Variants in MS4A14 observed in about 807,000 individuals in gnomAD.
The protein encoded by MS4A14 is membrane spanning 4-domains A14.
A neutral mutation model predicts 16.7 loss-of-function variants in MS4A14; 18 were observed. That is an observed-to-expected ratio of 1.08 (90% CI 0.75 to 1.60). The LOEUF (loss-of-function observed/expected upper bound fraction) is 1.60. Among genes scored for constraint, MS4A14 ranks in the 40% most tolerant of loss-of-function variants. The pLI, the probability that MS4A14 is intolerant of heterozygous loss-of-function variation, is 0.00. For synonymous variants in MS4A14, 305 were observed against 289.4 expected (o/e 1.05, Z -0.55); for missense variants, 812 against 775.3 (o/e 1.05, Z -0.56).
chr11:60,406,625 C>A (rs1320368394), intron 4 of MS4A14, among the ~76,000 whole-genome samples: 1 of 152,228 alleles, frequency 6.6e-6, no homozygotes, highest in Non-Finnish European at 1.5e-5. Context: ...TCCCAAATAC[C>A]AGTACAGGCC....
At chr11:60,414,360 T>C (rs899930393) in intron 4 of MS4A14, among the ~76,000 whole-genome samples, 2 of 152,134 alleles carry the variant, frequency 1.3e-5, no homozygotes, top group Admixed American at 6.5e-5. Flanking sequence ...CAATGTATTA[T>C]TTCAGAGAAT....
At chr11:60,401,810 A>G (rs982835545) in intron 3 of MS4A14, among the ~76,000 whole-genome samples, 2 of 152,146 alleles carry the variant, frequency 1.3e-5, no homozygotes, top group African/African-American at 4.8e-5. Flanking sequence ...GGGACTAAAG[A>G]CCAAGAGAGA....
At chr11:60,411,563 T>C (rs11230300) in intron 4 of MS4A14, among the ~76,000 whole-genome samples, 48,682 of 152,076 alleles carry the variant, frequency 0.32, 7,990 homozygotes, top group Middle Eastern at 0.49. Flanking sequence ...TATTTTCATA[T>C]TGTTTATTGC....
intron 4 of MS4A14, among the ~76,000 whole-genome samples, chr11:60,409,372 T>A (rs1339038613): frequency 2.6e-5 from 4 of 152,104 alleles, no homozygotes; most frequent in African/African-American, 9.7e-5. Context: ...TTCACTTCCA[T>A]GAAGTCAACT....
At chr11:60,414,961 C>G (rs2085917041) in intron 4 of MS4A14, among the ~76,000 whole-genome samples, 1 of 152,004 alleles carries the variant, frequency 6.6e-6, no homozygotes, top group Admixed American at 6.6e-5. Flanking sequence ...CACTAAGTAC[C>G]TATTTATGTA....
intron 1 of MS4A14, among the ~76,000 whole-genome samples, chr11:60,397,463 T>A (rs1338278376): frequency 1.3e-5 from 2 of 152,052 alleles, no homozygotes; most frequent in Admixed American, 6.6e-5. Flanking sequence ...GCTGTTAGGA[T>A]AATAATAGGA....
rs1044297025 is a variant in MS4A14 at position 60,417,137 on chromosome 11, C to T, written c.*129C>T. On this transcript the variant is annotated 3_prime_UTR_variant, in exon 5 of 5. Transcript: ENST00000300187. Reference sequence around the variant, plus strand: ...AGCTCTATACCAAGAAGTCCAAACCCAGCACGCAACAGCCCAACATAACCT... The same window carrying T: ...AGCTCTATACCAAGAAGTCCAAACCTAGCACGCAACAGCCCAACATAACCT... 2.8e-6 allele frequency: 3 copies of T among 1,087,450 alleles called. No individual in the cohort carries two copies. The highest frequency in any genetic ancestry group is 3.8e-6 in the Non-Finnish European group (3 of 783,332). The allele number at this position is 1,087,450 out of a possible 1,614,324, so 67.4% of individuals were successfully genotyped here.
chr11:60,397,702 C>G (rs2085647218), intron 1 of MS4A14, 150 bp from the exon 2 acceptor site: 1 of 690,680 alleles, frequency 1.4e-6, no homozygotes, highest in African/African-American at 1.8e-5. Context: ...AACTGAGTCT[C>G]TTAACAATCT....
chr11:60,399,855 A>G (rs763768368), intron 2 of MS4A14, among the ~76,000 whole-genome samples: 1 of 152,146 alleles, frequency 6.6e-6, no homozygotes, highest in Non-Finnish European at 1.5e-5. Context: ...CCCAAGGTCC[A>G]AGGCCAGTTC....
At position 60,400,471 on chromosome 11, in the gene MS4A14, A is replaced by G; in HGVS notation, c.318+17A>G. The G allele has an allele frequency of 6.4e-7, 1 of 1,560,150 alleles. No individual in the cohort carries two copies. Among genetic ancestry groups the G allele is most frequent in the Non-Finnish European group, 8.8e-7 (1 of 1,134,474 alleles). On this transcript the variant is annotated intron_variant, in intron 3 of 4. Transcript: ENST00000300187. ...AAACTTCTGGTAAGCCACTTAAACT[A>G]CATAAAATTTAAAATCTTCTATTTG...
intron 3 of MS4A14, among the ~76,000 whole-genome samples, chr11:60,402,115 A>ATCAGAT (rs2085722214): frequency 6.6e-6 from 1 of 152,098 alleles, no homozygotes; most frequent in Non-Finnish European, 1.5e-5. Context: ...GAAGGAAGAA[A>ATCAGAT]TCAGATGACC....
At chr11:60,414,474 C>G (rs1331451100) in intron 4 of MS4A14, among the ~76,000 whole-genome samples, 4 of 152,026 alleles carry the variant, frequency 2.6e-5, no homozygotes, top group African/African-American at 9.7e-5. Context: ...AACAAGTAGT[C>G]TATTCTGACT....
At position 60,415,679 on chromosome 11, in the gene MS4A14, C is replaced by G; in HGVS notation, c.711C>G (p.Ile237Met). 1 of 1,613,830 alleles carries G rather than the reference C, an allele frequency of 6.2e-7. No homozygotes were observed. Among genetic ancestry groups the G allele is most frequent in the Non-Finnish European group, 8.5e-7 (1 of 1,179,876 alleles). Residue 237 changes from isoleucine to methionine, a missense_variant, in exon 5 of 5, where the codon ATC becomes ATG. Physicochemically the swap from Ile to Met is conservative, Grantham distance 10. Coordinates refer to ENST00000300187, the MANE Select transcript of MS4A14 (RefSeq NM_032597.5). ...TGCCAGATGAACAAAAGCAAAGTAT[C>G]CTTCCATCTCCCAAATTTTCAGAGG... is the stretch of plus-strand genomic sequence containing the variant. ...EFVPDEQKQS[I>M]LPSPKFSEEE... is the part of the protein sequence containing the mutation.
intron 4 of MS4A14, among the ~76,000 whole-genome samples, chr11:60,413,182 G>A (rs73481218): frequency 0.036 from 5,364 of 151,050 alleles, 266 homozygotes; most frequent in East Asian, 0.26. Flanking sequence ...TTATATACTG[G>A]TCTACTATGA....
Position 60,397,849 on chromosome 11 carries a change from C to T in MS4A14, c.139-3C>T. Reference sequence around the variant, plus strand: ...CCTCATGTACCCATTTCTCTCCTCACAGGCTACCCAGATCCTGCTTGCTCT... The same window carrying T: ...CCTCATGTACCCATTTCTCTCCTCATAGGCTACCCAGATCCTGCTTGCTCT... On this transcript the variant is annotated splice_region_variant and splice_polypyrimidine_tract_variant and intron_variant, in intron 1 of 4. Transcript: ENST00000300187. The T allele has an allele frequency of 6.2e-7, 1 of 1,609,804 alleles. No individual in the cohort carries two copies. Among genetic ancestry groups the T allele is most frequent in the Non-Finnish European group, 8.5e-7 (1 of 1,178,104 alleles).
intron 4 of MS4A14, chr11:60,406,065 G>T: frequency 1.1e-6 from 1 of 899,222 alleles, no homozygotes; most frequent in East Asian, 3.1e-5. Flanking sequence ...AATGATGTCT[G>T]ATTTATTAGT....
chr11:60,412,901 T>C (rs900904029), intron 4 of MS4A14, among the ~76,000 whole-genome samples: 2 of 151,950 alleles, frequency 1.3e-5, no homozygotes, highest in East Asian at 1.9e-4. Flanking sequence ...GGGATTTTGG[T>C]TGGAATTGTA....
chr11:60,408,325 A>G (rs1218466161), intron 4 of MS4A14, among the ~76,000 whole-genome samples: 1 of 152,166 alleles, frequency 6.6e-6, no homozygotes, highest in African/African-American at 2.4e-5. Context: ...TATATATAAC[A>G]TAATAGTTAT....
chr11:60,397,830 G>A (rs752825119), intron 1 of MS4A14, 22 bp from the exon 2 acceptor site: 1 of 1,610,176 alleles, frequency 6.2e-7, no homozygotes, highest in Admixed American at 1.7e-5. Flanking sequence ...GTAACCTCAT[G>A]TACCCATTTC....
Sources: allele counts gnomAD v4.1 joint callset (sites outside exome capture counted in the v4.1 genomes callset), GRCh38; gene constraint gnomAD v4.1.1; transcripts MANE v1.5; gene names NCBI Gene and HGNC (gene_info 2026-07-23, HGNC 2026-07-21).